SLC4A4: variants seen among roughly 807,000 people sequenced by gnomAD.
The protein encoded by SLC4A4 is solute carrier family 4 member 4.
In SLC4A4, 27 loss-of-function variants were observed where a neutral mutation model predicts 111.5. The observed-to-expected ratio is 0.24, with a 90% confidence interval of 0.18 to 0.33. The LOEUF is 0.33. Ranked by LOEUF, SLC4A4 falls within the 10% of genes least tolerant of loss-of-function variation. The pLI is 1.00. For synonymous variants in SLC4A4, 443 were observed against 463.4 expected (o/e 0.96, Z 0.57); for missense variants, 909 against 1,315.5 (o/e 0.69, Z 4.78).
intron 16 of SLC4A4, among the ~76,000 whole-genome samples, chr4:71,519,605 C>A (rs892165235): frequency 6.6e-6 from 1 of 151,890 alleles, no homozygotes; most frequent in African/African-American, 2.4e-5. Context: ...ATAATATATA[C>A]ATAAATACAT....
chr4:71,357,915 A>G (rs1730428482), intron 6 of SLC4A4, among the ~76,000 whole-genome samples: 1 of 152,218 alleles, frequency 6.6e-6, no homozygotes, highest in South Asian at 2.1e-4. Context: ...GGGAGAGGTC[A>G]GTTTCCATGA....
chr4:71,206,457 A>G (rs1010717123), intron 1 of SLC4A4, among the ~76,000 whole-genome samples: 3 of 152,220 alleles, frequency 2.0e-5, no homozygotes, highest in Admixed American at 1.3e-4. Flanking sequence ...TTATTGGCTT[A>G]TAATGTCAGA....
At chr4:71,316,865 C>T (rs1726727017) in intron 3 of SLC4A4, among the ~76,000 whole-genome samples, 1 of 152,028 alleles carries the variant, frequency 6.6e-6, no homozygotes, top group Non-Finnish European at 1.5e-5. Flanking sequence ...CCATCCATGT[C>T]CCTGCAAAGG....
intron 1 of SLC4A4, among the ~76,000 whole-genome samples, chr4:71,090,642 C>T (rs1027115981): frequency 3.3e-5 from 5 of 152,202 alleles, no homozygotes; most frequent in African/African-American, 9.7e-5. Flanking sequence ...TATTACTGCT[C>T]TTTGTAGGCA....
chr4:71,484,387 C>T (rs998028822), intron 14 of SLC4A4, among the ~76,000 whole-genome samples: 1 of 151,768 alleles, frequency 6.6e-6, no homozygotes, highest in African/African-American at 2.4e-5. Context: ...CAATTTTCTG[C>T]TTATGATCAG....
At chr4:71,198,929 T>G (rs996298295) in intron 1 of SLC4A4, among the ~76,000 whole-genome samples, 3 of 152,236 alleles carry the variant, frequency 2.0e-5, no homozygotes, top group Non-Finnish European at 4.4e-5. Context: ...AACTGGATAC[T>G]CTAACAGGAG....
At chr4:71,311,205 A>T (rs1371915543) in intron 3 of SLC4A4, among the ~76,000 whole-genome samples, 1 of 152,166 alleles carries the variant, frequency 6.6e-6, no homozygotes, top group African/African-American at 2.4e-5. Context: ...AAGTTCTTAG[A>T]GACTTACAAA....
chr4:71,142,504 A>ACTTT (rs1035809390), intron 2 of SLC4A4, among the ~76,000 whole-genome samples: 1 of 151,926 alleles, frequency 6.6e-6, no homozygotes, highest in South Asian at 2.1e-4. Flanking sequence ...TAAATTTCTT[A>ACTTT]CTTTCTTTCT....
At chr4:71,344,589 T>C (rs1053661427) in intron 4 of SLC4A4, among the ~76,000 whole-genome samples, 27 of 152,192 alleles carry the variant, frequency 1.8e-4, no homozygotes, top group African/African-American at 6.0e-4. Flanking sequence ...TGATAGCCTA[T>C]TTTATTTCAT....
chr4:71,567,021 T>A lies in SLC4A4; in HGVS notation c.3214T>A (p.Phe1072Ile). Reference sequence around the variant, plus strand: ...TTTTCCAGGAGAAAGATCACCAACATTCCTTGAACGCCACACATCATGCTG... The same window carrying A: ...TTTTCCAGGAGAAAGATCACCAACAATCCTTGAACGCCACACATCATGCTG... Reference protein sequence around the residue: ...KPSDRERSPTFLERHTSC With the variant: ...KPSDRERSPTILERHTSC Residue 1072 changes from phenylalanine (F) to isoleucine (I), a missense_variant, in exon 25 of 26, where the codon TTC becomes ATC. Physicochemically the swap from Phe to Ile is conservative, Grantham distance 21. Around this residue, in one of 7 missense-constraint regions of SLC4A4, gnomAD observed 85 missense variants for 79.8 expected, o/e 1.07. Transcript: ENST00000264485. The A allele has an allele frequency of 6.2e-7, 1 of 1,609,884 alleles. No individual in the cohort carries two copies. The highest frequency in any genetic ancestry group is 8.5e-7 in the Non-Finnish European group (1 of 1,177,218).
chr4:71,481,085 T>C (rs1578007042), intron 14 of SLC4A4, among the ~76,000 whole-genome samples: 1 of 151,674 alleles, frequency 6.6e-6, no homozygotes, highest in East Asian at 2.0e-4. Flanking sequence ...AGGTAGATGG[T>C]TTCAAATCCA....
At chr4:71,229,193 A>T (rs1038859459) in intron 1 of SLC4A4, among the ~76,000 whole-genome samples, 1 of 152,346 alleles carries the variant, frequency 6.6e-6, no homozygotes, top group Middle Eastern at 3.4e-3. Flanking sequence ...CTCACTCAGC[A>T]TAACCCCCTG....
At chr4:71,219,359 C>T (rs1718609672) in intron 1 of SLC4A4, among the ~76,000 whole-genome samples, 1 of 152,132 alleles carries the variant, frequency 6.6e-6, no homozygotes, top group Non-Finnish European at 1.5e-5. Context: ...AACAGCACAG[C>T]CTAGATAACA....
chr4:71,084,326 A>G (rs1197279797), intron 1 of SLC4A4, among the ~76,000 whole-genome samples: 3 of 152,016 alleles, frequency 2.0e-5, no homozygotes, highest in Non-Finnish European at 4.4e-5. Context: ...TGTATGTTTC[A>G]ACTTATCTGC....
intron 1 of SLC4A4, among the ~76,000 whole-genome samples, chr4:71,083,485 A>T (rs1019876534): frequency 4.0e-5 from 6 of 151,674 alleles, no homozygotes; most frequent in African/African-American, 1.5e-4. Context: ...CTCCTTCCTG[A>T]TTCTGATTAT....
Position 71,409,220 on chromosome 4 carries a change from G to A in SLC4A4, c.807+11567G>A, listed in dbSNP as rs540009028. On this transcript the variant is annotated intron_variant, in intron 7 of 25. Coordinates refer to ENST00000264485, the MANE Select transcript of SLC4A4 (RefSeq NM_001098484.3). ...TGCTGAAAAAATACCCAAAAATGTG[G>A]AAGCAACTTTGGAACTGGGTAACAG... Among the ~76,000 whole-genome samples, 7 of 152,310 alleles carry A rather than the reference G, an allele frequency of 4.6e-5. No homozygotes were observed. The South Asian group carries it at 1.5e-3, about 32-fold the overall frequency.
chr4:71,518,524 G>C (rs1240470416), intron 16 of SLC4A4, among the ~76,000 whole-genome samples: 1 of 152,102 alleles, frequency 6.6e-6, no homozygotes, highest in Admixed American at 6.5e-5. Flanking sequence ...CTGGAACCTG[G>C]GGTGGGCCTG....
intron 2 of SLC4A4, 105 bp downstream of exon 2, chr4:71,236,754 A>G (rs1578647905): frequency 1.0e-6 from 1 of 957,668 alleles, no homozygotes; most frequent in Non-Finnish European, 1.6e-6. Flanking sequence ...ATGAAACACC[A>G]AACCTTTTCT....
intron 2 of SLC4A4, among the ~76,000 whole-genome samples, chr4:71,174,328 C>T (rs966629992): frequency 3.3e-5 from 5 of 151,540 alleles, no homozygotes; most frequent in Non-Finnish European, 5.9e-5. Context: ...CAGCTCACTG[C>T]AGTCTCTGCT....
Sources: allele counts gnomAD v4.1 joint callset (sites outside exome capture counted in the v4.1 genomes callset), GRCh38; gene constraint gnomAD v4.1.1; regional missense constraint gnomAD v4.1.1; transcripts MANE v1.5; gene names NCBI Gene and HGNC (gene_info 2026-07-23, HGNC 2026-07-21).